Variants in XRCC6 observed in about 807,000 individuals in gnomAD.
XRCC6 encodes the protein DNA repair protein Ku70.
Under a neutral mutation model 65.7 loss-of-function variants are expected in XRCC6, and 5 were observed. The observed-to-expected ratio is 0.08, with a 90% CI of 0.04 to 0.16. XRCC6 has a LOEUF of 0.16. Ranked by LOEUF, XRCC6 falls within the 10% of genes least tolerant of loss-of-function variation. The pLI is 1.00. For missense variants in XRCC6, 447 were observed against 738.1 expected (o/e 0.61, Z 4.57); for synonymous variants, 270 against 270.6 (o/e 1.00, Z 0.02).
intron 8 of XRCC6, among the ~76,000 whole-genome samples, chr22:41,652,760 G>A (rs1303971424): frequency 1.3e-5 from 2 of 151,986 alleles, no homozygotes; most frequent in African/African-American, 4.8e-5. Flanking sequence ...TGCAAGCTCC[G>A]CCTCCTGAAT....
chr22:41,621,564 C>A (rs964635154), intron 1 of XRCC6: 2 of 168,898 alleles, frequency 1.2e-5, no homozygotes, highest in African/African-American at 4.8e-5. Flanking sequence ...TGAGGCCCGC[C>A]TGCGCTTGCG....
intron 3 of XRCC6, among the ~76,000 whole-genome samples, chr22:41,629,377 A>G (rs1397740517): frequency 2.0e-5 from 3 of 152,252 alleles, no homozygotes; most frequent in Non-Finnish European, 2.9e-5. Flanking sequence ...AAAGGAATGA[A>G]TAATTGATAC....
Position 41,655,698 on chromosome 22 carries a change from CAAAA to C in XRCC6, c.1292-1194_1292-1191del, listed in dbSNP as rs132782. Reference sequence around the variant, plus strand: ...TGGGTGACAGAGCGAGACTCTGTCTCAAAAAAAAAAAAAATAGTTTTTTCCCCCC... The same window carrying C: ...TGGGTGACAGAGCGAGACTCTGTCTCAAAAAAAAAATAGTTTTTTCCCCCC... On this transcript the variant is annotated intron_variant, in intron 9 of 12. Transcript: ENST00000360079. 8.3e-3 allele frequency among the ~76,000 whole-genome samples: 906 copies of C among 108,618 alleles called. 65 individuals are homozygous for C. In the East Asian group the frequency reaches 0.19, roughly 23 times the overall value. 71.3% of individuals were successfully genotyped at this position (108,618 alleles called of 152,430 possible). A position where few individuals can be genotyped will look rare whatever the true frequency, so the allele number is the denominator to read the frequency against.
At chr22:41,638,827 C>T (rs917436811) in intron 6 of XRCC6, among the ~76,000 whole-genome samples, 3 of 148,958 alleles carry the variant, frequency 2.0e-5, no homozygotes, top group Non-Finnish European at 4.4e-5. Context: ...AAATGGTATA[C>T]CTGCATAGGG....
intron 6 of XRCC6, among the ~76,000 whole-genome samples, chr22:41,645,320 CAAAA>C (rs796370362): frequency 2.0e-5 from 3 of 147,238 alleles, no homozygotes; most frequent in Admixed American, 1.4e-4. Flanking sequence ...AAACAAAAAA[CAAAA>C]AAAAACAAAC....
chr22:41,653,839 G>A lies in XRCC6; in HGVS notation c.1291+149G>A. 2.9e-6 allele frequency: 3 copies of A among 1,019,956 alleles called. No homozygotes were observed. In the African/African-American group the frequency reaches 4.9e-5, roughly 17 times the overall value. The allele number at this position is 1,019,956 out of a possible 1,614,324, so 63.2% of individuals were successfully genotyped here. A position where few individuals can be genotyped will look rare whatever the true frequency, so the allele number is the denominator to read the frequency against. ...TTAAGCTTTCTTGGGTGAATTTAGT[G>A]CACAGCCAGGTAAGGCCACTAAATA... is the stretch of plus-strand genomic sequence containing the variant. On this transcript the variant is annotated intron_variant, in intron 9 of 12. Coordinates refer to ENST00000360079, the MANE Select transcript of XRCC6 (RefSeq NM_001469.5).
chr22:41,646,670 T>C (rs1031154194), intron 6 of XRCC6, among the ~76,000 whole-genome samples: 4 of 152,210 alleles, frequency 2.6e-5, no homozygotes, highest in Admixed American at 2.6e-4. Context: ...ATACGCAACC[T>C]GTAGTACGTT....
intron 6 of XRCC6, among the ~76,000 whole-genome samples, chr22:41,639,680 TGAGA>T (rs2067853529): frequency 1.1e-4 from 16 of 143,094 alleles, no homozygotes; most frequent in East Asian, 2.1e-4. Flanking sequence ...TTTTTTTTTT[TGAGA>T]TGGAGTCTTG....
At chr22:41,651,030 G>T in intron 8 of XRCC6, 139 bp downstream of exon 8, 2 of 1,189,442 alleles carry the variant, frequency 1.7e-6, no homozygotes, top group Non-Finnish European at 1.2e-6. Flanking sequence ...GCTCTGCCTG[G>T]TGCAGTGGCT....
At position 41,663,848 on chromosome 22, in the gene XRCC6, G is replaced by GTGT; in HGVS notation, c.*34_*36dup. Reference sequence around the variant, plus strand: ...CCGCGCGTCCAGCTGCCCTTCCGCAGTGTGGCCAGGCTGCCTGGCCTTGTC... The same window carrying GTGT: ...CCGCGCGTCCAGCTGCCCTTCCGCAGTGTTGTGGCCAGGCTGCCTGGCCTTGTC... On this transcript the variant is annotated 3_prime_UTR_variant, in exon 13 of 13. Transcript: ENST00000360079. 1.3e-6 allele frequency: 2 copies of GTGT among 1,598,556 alleles called. No homozygotes were observed. The highest frequency in any genetic ancestry group is 1.7e-6 in the Non-Finnish European group (2 of 1,169,478).
intron 6 of XRCC6, among the ~76,000 whole-genome samples, chr22:41,638,449 GTGTATCTAAA>G (rs1459309547): frequency 3.3e-5 from 5 of 152,082 alleles, no homozygotes; most frequent in East Asian, 1.9e-4. Flanking sequence ...GTAAGTATTT[GTGTATCTAAA>G]TGTATCTAAA....
At chr22:41,640,263 C>A (rs2147090558) in intron 6 of XRCC6, among the ~76,000 whole-genome samples, 1 of 152,096 alleles carries the variant, frequency 6.6e-6, no homozygotes, top group East Asian at 1.9e-4. Flanking sequence ...ATTCTCCTGC[C>A]TCAGCCTCCC....
chr22:41,663,918 C>G lies in XRCC6; in HGVS notation c.*103C>G. ...TTTCTCCTGAGCTAGGAAGAGTCTA[C>G]CCGACATAAGTCGAGGGACTTTATG... On this transcript the variant is annotated 3_prime_UTR_variant, in exon 13 of 13. Transcript: ENST00000360079. 1 of 1,276,116 alleles carries G rather than the reference C, an allele frequency of 7.8e-7. No homozygotes were observed. The highest frequency in any genetic ancestry group is 1.1e-6 in the Non-Finnish European group (1 of 927,434). 79.0% of individuals were successfully genotyped at this position (1,276,116 alleles called of 1,614,324 possible).
chr22:41,640,261 G>C (rs983449784), intron 6 of XRCC6, among the ~76,000 whole-genome samples: 6 of 152,008 alleles, frequency 3.9e-5, no homozygotes, highest in African/African-American at 1.4e-4. Context: ...CCATTCTCCT[G>C]CCTCAGCCTC....
chr22:41,638,949 G>A (rs2067843109), intron 6 of XRCC6, among the ~76,000 whole-genome samples: 1 of 152,106 alleles, frequency 6.6e-6, no homozygotes, highest in African/African-American at 2.4e-5. Context: ...CAGCACAGTA[G>A]GTTTGTTTAC....
At chr22:41,649,139 A>AAAAAAAATATATATATATATATATAT in intron 7 of XRCC6, among the ~76,000 whole-genome samples, 4 of 88,732 alleles carry the variant, frequency 4.5e-5, no homozygotes, top group South Asian at 4.3e-4. Flanking sequence ...AAAAAAAAAA[A>AAAAAAAATATATATATATATATATAT]ATATATATAT....
At chr22:41,638,776 C>CAAAA (rs56677816) in intron 6 of XRCC6, among the ~76,000 whole-genome samples, 1,682 of 65,572 alleles carry the variant, frequency 0.026, 105 homozygotes, top group African/African-American at 0.092. Context: ...GACTCCGCCT[C>CAAAA]AAAAAAAAAA....
In XRCC6 at chr22:41,656,834, T is replaced by C. The variant is rs543857360; in HGVS notation, c.1292-69T>C. ...CACCACAGGACATAAAAGGAAGAAT[T>C]TGGAGCTGAGAAACAAGTGACTGCA... is the stretch of plus-strand genomic sequence containing the variant. On this transcript the variant is annotated intron_variant, in intron 9 of 12. Coordinates refer to ENST00000360079, the MANE Select transcript of XRCC6 (RefSeq NM_001469.5). 3.0e-5 allele frequency: 48 copies of C among 1,603,986 alleles called. No homozygotes were observed. In the African/African-American group the frequency reaches 5.1e-4, roughly 17 times the overall value.
intron 12 of XRCC6, 23 bp from the exon 13 acceptor site, chr22:41,663,599 T>A: frequency 6.3e-7 from 1 of 1,596,722 alleles, no homozygotes; most frequent in South Asian, 1.1e-5. Flanking sequence ...TTCCAGTCAC[T>A]CTCTCCTGAC....
Sources: gnomAD v4.1 joint callset for allele counts (sites outside exome capture counted in the v4.1 genomes callset) on GRCh38, gnomAD v4.1.1 for gene constraint, MANE v1.5 for transcripts, NCBI Gene and HGNC (gene_info 2026-07-23, HGNC 2026-07-21) for gene names.